Variants in CWC22 observed in about 807,000 individuals in gnomAD.
The protein encoded by CWC22 is pre-mRNA-splicing factor CWC22 homolog.
A neutral mutation model predicts 117.2 loss-of-function variants in CWC22; 53 were observed. The ratio of observed to expected loss-of-function variants is 0.45; its 90% CI spans 0.36 to 0.57. CWC22 has a LOEUF of 0.57. CWC22 is among the 20% of genes least tolerant of loss of function. CWC22 has a pLI of 0.00. For synonymous variants in CWC22, 360 were observed against 355.6 expected (o/e 1.01, Z -0.14); for missense variants, 980 against 1,068.8 (o/e 0.92, Z 1.16).
intron 5 of CWC22, 117 bp from the exon 6 acceptor site, chr2:179,978,435 C>T: frequency 1.8e-6 from 2 of 1,117,808 alleles, no homozygotes; most frequent in Middle Eastern, 3.3e-4. Context: ...TGAAACGACC[C>T]CCAAGTACAG....
intron 2 of CWC22, among the ~76,000 whole-genome samples, chr2:179,991,868 T>C (rs1388628906): frequency 6.6e-6 from 1 of 152,210 alleles, no homozygotes; most frequent in Non-Finnish European, 1.5e-5. Flanking sequence ...CAGATGGAAC[T>C]ACCTTAGGAA....
In CWC22 at chr2:179,945,380, TCTCTC is replaced by T. The variant is rs770587576; in HGVS notation, c.2471_2475del (p.Gly824GlufsTer7). On this transcript the variant is annotated frameshift_variant, in exon 20 of 20. Coordinates refer to ENST00000410053, the MANE Select transcript of CWC22 (RefSeq NM_020943.3). LOFTEE classifies it high-confidence loss of function. ...TCATTTTCAGAAAAAGAATTTCTTC[TCTCTC>T]CTCTCTTCTTTTTGGGATCACCATG... 3.7e-6 allele frequency: 6 copies of T among 1,612,432 alleles called. No homozygotes were observed. The highest frequency in any genetic ancestry group is 5.1e-6 in the Non-Finnish European group (6 of 1,179,230).
intron 5 of CWC22, among the ~76,000 whole-genome samples, chr2:179,981,137 G>C (rs950502590): frequency 6.6e-6 from 1 of 152,164 alleles, no homozygotes; most frequent in African/African-American, 2.4e-5. Flanking sequence ...CAGTTTTATA[G>C]GTAAGTACAG....
intron 13 of CWC22, among the ~76,000 whole-genome samples, chr2:179,959,583 G>C (rs1686693690): frequency 1.3e-5 from 2 of 152,204 alleles, no homozygotes; most frequent in African/African-American, 2.4e-5. Flanking sequence ...ACATCACAGA[G>C]TGTATTTACA....
chr2:179,980,364 C>T (rs149032632), intron 5 of CWC22, among the ~76,000 whole-genome samples: 10 of 151,432 alleles, frequency 6.6e-5, no homozygotes, highest in East Asian at 3.9e-4. Flanking sequence ...CTCTTAAATT[C>T]GGTTTTAATT....
intron 19 of CWC22, among the ~76,000 whole-genome samples, chr2:179,948,185 C>A (rs1349050088): frequency 5.3e-5 from 8 of 152,118 alleles, no homozygotes; most frequent in Non-Finnish European, 7.4e-5. Context: ...GTTGAAGGAA[C>A]TCCTAATTGC....
At chr2:179,953,644 C>T (rs1037271845) in intron 16 of CWC22, among the ~76,000 whole-genome samples, 2 of 152,060 alleles carry the variant, frequency 1.3e-5, no homozygotes, top group Non-Finnish European at 2.9e-5. Context: ...GCTTAATGAA[C>T]GCCTTTCAAA....
chr2:179,981,729 T>C (rs1687292459), intron 5 of CWC22, 23 bp downstream of exon 5: 1 of 1,591,288 alleles, frequency 6.3e-7, no homozygotes, highest in Admixed American at 1.7e-5. Flanking sequence ...CATGGCTTTG[T>C]ATACTGATTG....
In CWC22 at chr2:179,954,319, A is replaced by G. The variant is rs766757733; in HGVS notation, c.1575T>C (p.Phe525=). Reference sequence around the variant, plus strand: ...CATACTGTTCTTTGAATATACCTTCAAAGGATTCCATGTACTCTTTCTTTA... The same window carrying G: ...CATACTGTTCTTTGAATATACCTTCGAAGGATTCCATGTACTCTTTCTTTA... ...CMLKKEYMES[F]EGIFKEQYDT... Residue 525 remains phenylalanine (F), a synonymous_variant, in exon 16 of 20, where the codon TTT becomes TTC. Coordinates refer to ENST00000410053, the MANE Select transcript of CWC22 (RefSeq NM_020943.3). The G allele has an allele frequency of 6.2e-7, 1 of 1,603,374 alleles. No individual in the cohort carries two copies. The highest frequency in any genetic ancestry group is 8.5e-7 in the Non-Finnish European group (1 of 1,172,078).
chr2:179,995,851 C>T (rs560595386), intron 1 of CWC22, among the ~76,000 whole-genome samples: 23 of 152,286 alleles, frequency 1.5e-4, no homozygotes, highest in Non-Finnish European at 2.8e-4. Flanking sequence ...AAAGCTGCAG[C>T]CATTCTCATT....
intron 1 of CWC22, among the ~76,000 whole-genome samples, chr2:180,001,664 G>C (rs577996665): frequency 6.6e-6 from 1 of 152,122 alleles, no homozygotes. Flanking sequence ...CCTACCCACT[G>C]TAATTCAGCT....
chr2:179,981,585 AG>A (rs1358727767), intron 5 of CWC22, among the ~76,000 whole-genome samples, 166 bp downstream of exon 5: 1 of 152,244 alleles, frequency 6.6e-6, no homozygotes, highest in Non-Finnish European at 1.5e-5. Context: ...AAGGGCACGT[AG>A]TGTGTGGCTC....
At chr2:179,965,382 T>C (rs969245179) in intron 12 of CWC22, among the ~76,000 whole-genome samples, 4 of 152,198 alleles carry the variant, frequency 2.6e-5, no homozygotes, top group African/African-American at 4.8e-5. Context: ...AGCTTATTTC[T>C]GTGAAATAAG....
chr2:179,978,224 GAAT>G lies in CWC22; in HGVS notation c.544_546del (p.Ile182del), dbSNP rs778795410. On this transcript the variant is annotated inframe_deletion, in exon 6 of 20. Coordinates refer to ENST00000410053, the MANE Select transcript of CWC22 (RefSeq NM_020943.3). ...ACTATATTTTCTTGAAGAAGCTCTTGAATAATAATACTTATGTTGGAAATGTTG... is the reference window on the plus strand; with the variant it reads ...ACTATATTTTCTTGAAGAAGCTCTTGAATAATACTTATGTTGGAAATGTTG... The G allele has an allele frequency of 3.9e-6, 6 of 1,557,382 alleles. No homozygotes were observed. In the Admixed American group the frequency reaches 5.9e-5, roughly 15 times the overall value.
chr2:179,950,607 G>A lies in CWC22; in HGVS notation c.2045C>T (p.Ser682Leu). The A allele has an allele frequency of 6.2e-7, 1 of 1,613,028 alleles. No homozygotes were observed. Among genetic ancestry groups the A allele is most frequent in the South Asian group, 1.1e-5 (1 of 91,072 alleles). ...ACTGCTGTCAGAATCAGAGTCGGAT[G>A]AGTCAGACTCTGAAGAGGAGGACGC... ...SSASSSSESD[S>L]SDSDSDSSDS... Residue 682 changes from serine to leucine, a missense_variant, in exon 19 of 20, where the codon TCA becomes TTA. Transcript: ENST00000410053.
intron 13 of CWC22, among the ~76,000 whole-genome samples, chr2:179,962,382 C>G: frequency 6.6e-6 from 1 of 152,066 alleles, no homozygotes; most frequent in East Asian, 1.9e-4. Context: ...TGATTTTTAG[C>G]CTGGCATATA....
At chr2:179,962,390 A>G (rs899826903) in intron 13 of CWC22, among the ~76,000 whole-genome samples, 7 of 152,170 alleles carry the variant, frequency 4.6e-5, no homozygotes, top group African/African-American at 1.4e-4. Context: ...AGCCTGGCAT[A>G]TAATAAACAT....
chr2:179,972,859 A>C (rs1687065709), intron 8 of CWC22, among the ~76,000 whole-genome samples: 1 of 151,816 alleles, frequency 6.6e-6, no homozygotes, highest in Non-Finnish European at 1.5e-5. Context: ...TACAAAAAAA[A>C]CTAGCCGGGC....
intron 13 of CWC22, among the ~76,000 whole-genome samples, chr2:179,963,468 G>C (rs377433354): frequency 7.2e-6 from 1 of 138,926 alleles, no homozygotes; most frequent in African/African-American, 2.7e-5. Context: ...TCAGCCTCCC[G>C]AGTAGCTGGG....
Sources: gnomAD v4.1 joint callset for allele counts (sites outside exome capture counted in the v4.1 genomes callset) on GRCh38, gnomAD v4.1.1 for gene constraint, MANE v1.5 for transcripts, NCBI Gene and HGNC (gene_info 2026-07-23, HGNC 2026-07-21) for gene names.